Variants in PRKN observed in about 807,000 individuals in gnomAD.
PRKN encodes the protein E3 ubiquitin-protein ligase parkin.
A neutral mutation model predicts 59.5 loss-of-function variants in PRKN; 56 were observed. That is an observed-to-expected ratio of 0.94 (90% CI 0.76 to 1.18). The LOEUF (loss-of-function observed/expected upper bound fraction) is 1.18, where lower values mean the gene tolerates loss of function less well. Among genes scored for constraint, PRKN ranks in the 50% most tolerant of loss-of-function variants. The pLI is 0.00. For synonymous variants in PRKN, 250 were observed against 222.1 expected, an observed-to-expected ratio of 1.13 and a Z score of -1.12; for missense variants, 657 against 596.4, an observed-to-expected ratio of 1.10 and a Z score of -1.06.
chr6:161,994,331 A>G (rs1176605501), intron 5 of PRKN, among the ~76,000 whole-genome samples: 1 of 152,192 alleles, frequency 6.6e-6, no homozygotes, highest in East Asian at 1.9e-4. Context: ...ACATTCCTTC[A>G]TGATAAAACA....
Position 162,069,646 on chromosome 6 carries a change from G to A in PRKN, c.535-15472C>T, listed in dbSNP as rs76431594. Among the ~76,000 whole-genome samples, 507 of 152,150 alleles carry A rather than the reference G, an allele frequency of 3.3e-3. 16 individuals carry two copies. The East Asian group carries it at 0.072, about 22-fold the overall frequency. On this transcript the variant is annotated intron_variant, in intron 4 of 11. Coordinates refer to ENST00000366898, the MANE Select transcript of PRKN (RefSeq NM_004562.3). ...AGCAGTTAACTAAAAGGCTCACTAC[G>A]GTTAATTCTGCAGAAAGAAATAGAA...
Position 161,518,013 on chromosome 6 carries a change from GA to G in PRKN, c.1083+30840del, listed in dbSNP as rs1778679136. Among the ~76,000 whole-genome samples the G allele has an allele frequency of 2.0e-5, 3 of 152,188 alleles. No homozygotes were observed. Among genetic ancestry groups the G allele is most frequent in the Admixed American group, 2.0e-4 (3 of 15,286 alleles). On this transcript the variant is annotated intron_variant, in intron 9 of 11. Transcript: ENST00000366898. The surrounding 1 kb of genome is among the most constrained non-coding windows in gnomAD (Gnocchi z 5.0). ...TCAAGAGGACTATTATTTCCTCGGG[GA>G]GACTGGCAGAAGTTGGCTGCACAGT...
intron 6 of PRKN, among the ~76,000 whole-genome samples, chr6:161,879,532 G>C (rs1041839826): frequency 4.0e-5 from 6 of 151,890 alleles, no homozygotes; most frequent in African/African-American, 1.5e-4. Flanking sequence ...ATTTTGAGTA[G>C]AGACGAGGTT....
chr6:162,336,449 A>C (rs186162327), intron 2 of PRKN, among the ~76,000 whole-genome samples: 229 of 152,282 alleles, frequency 1.5e-3, no homozygotes, highest in Admixed American at 2.7e-3. Context: ...TCTGCGGCAC[A>C]TGACAGTGCC....
chr6:161,757,882 T>TACACAC lies in PRKN; in HGVS notation c.871+27889_871+27890insGTGTGT, dbSNP rs1273812918. ...CTCTCTCTCTCTCTCTGTGTATATA[T>TACACAC]ATATACACACACACACACACACACA... is the stretch of plus-strand genomic sequence containing the variant. On this transcript the variant is annotated intron_variant, in intron 7 of 11. Transcript: ENST00000366898. 7.2e-5 allele frequency among the ~76,000 whole-genome samples: 7 copies of TACACAC among 97,224 alleles called. 1 individual carries two copies. The highest frequency in any genetic ancestry group is 6.0e-4 in the East Asian group (2 of 3,332). The allele number at this position is 97,224 out of a possible 152,430, so 63.8% of individuals were successfully genotyped here.
intron 6 of PRKN, among the ~76,000 whole-genome samples, chr6:161,961,982 A>G (rs1457270723): frequency 1.3e-5 from 2 of 152,316 alleles, no homozygotes; most frequent in African/African-American, 4.8e-5. Context: ...CAGAAGATAC[A>G]GCACATGAGG....
At chr6:161,770,018 G>C (rs1366090418) in intron 7 of PRKN, among the ~76,000 whole-genome samples, 1 of 152,178 alleles carries the variant, frequency 6.6e-6, no homozygotes, top group Non-Finnish European at 1.5e-5. Context: ...CTAGCCACCT[G>C]CACCCCCAAG....
At chr6:162,078,278 T>A (rs185256897) in intron 4 of PRKN, among the ~76,000 whole-genome samples, 80 of 152,196 alleles carry the variant, frequency 5.3e-4, no homozygotes, top group Non-Finnish European at 5.9e-5. Context: ...TTCAGTTGTA[T>A]CCCATGGCTT....
intron 4 of PRKN, among the ~76,000 whole-genome samples, chr6:162,123,911 T>C (rs1009807076): frequency 3.9e-5 from 6 of 152,170 alleles, no homozygotes; most frequent in Admixed American, 2.0e-4. Flanking sequence ...CTTGTTAGAC[T>C]ATACCGAGAG....
At position 161,987,724 on chromosome 6, in the gene PRKN, T is replaced by C. The variant is rs542443693; in HGVS notation, c.619-14307A>G. ...GTGGATATCAAGGGCTGATGTTACA[T>C]AGATTGACTGAAAAATTTCGGAGTC... On this transcript the variant is annotated intron_variant, in intron 5 of 11. Coordinates refer to ENST00000366898, the MANE Select transcript of PRKN (RefSeq NM_004562.3). Among the ~76,000 whole-genome samples, 8 of 152,334 alleles carry C rather than the reference T, an allele frequency of 5.3e-5. No individual in the cohort carries two copies. The East Asian group carries it at 1.2e-3, about 22-fold the overall frequency.
At chr6:162,070,909 C>G (rs1778548870) in intron 4 of PRKN, among the ~76,000 whole-genome samples, 1 of 152,016 alleles carries the variant, frequency 6.6e-6, no homozygotes, top group South Asian at 2.1e-4. Context: ...GCACCGCTGC[C>G]CTAGGGCACA....
At chr6:162,551,590 C>A (rs577315281) in intron 1 of PRKN, among the ~76,000 whole-genome samples, 2 of 152,236 alleles carry the variant, frequency 1.3e-5, no homozygotes, top group Non-Finnish European at 2.9e-5. Context: ...TATATAAAAA[C>A]ATACACAACT....
chr6:162,643,412 A>AAAAAAAAAAAAAAG (rs71784410), intron 1 of PRKN, among the ~76,000 whole-genome samples: 1 of 139,612 alleles, frequency 7.2e-6, no homozygotes, highest in African/African-American at 2.5e-5. Context: ...AAAAAAAAAA[A>AAAAAAAAAAAAAAG]AAAGAAAGAA....
intron 6 of PRKN, among the ~76,000 whole-genome samples, chr6:161,839,722 C>T (rs887018164): frequency 1.3e-5 from 2 of 152,258 alleles, no homozygotes; most frequent in South Asian, 4.2e-4. Context: ...TCAGAGGAGG[C>T]AGCTTGGATG....
intron 7 of PRKN, among the ~76,000 whole-genome samples, chr6:161,723,713 A>G (rs998338021): frequency 1.3e-5 from 2 of 151,834 alleles, no homozygotes; most frequent in Non-Finnish European, 2.9e-5. Context: ...TGAATCACAC[A>G]CTCTCTGAAA....
chr6:162,586,907 G>T (rs566053082), intron 1 of PRKN, among the ~76,000 whole-genome samples: 3 of 152,108 alleles, frequency 2.0e-5, no homozygotes, highest in Non-Finnish European at 4.4e-5. Flanking sequence ...TTACATGCCC[G>T]TGATAGGCAC....
chr6:161,840,565 G>A (rs770456216), intron 6 of PRKN, among the ~76,000 whole-genome samples: 1 of 152,138 alleles, frequency 6.6e-6, no homozygotes, highest in Non-Finnish European at 1.5e-5. Context: ...AGCCTAGTAC[G>A]TGTCAGTTAT....
At chr6:162,663,937 G>C (rs1377512888) in intron 1 of PRKN, among the ~76,000 whole-genome samples, 2 of 151,690 alleles carry the variant, frequency 1.3e-5, no homozygotes, top group East Asian at 1.9e-4. Context: ...AAAAAAAGGT[G>C]GGGGGATATG....
intron 7 of PRKN, among the ~76,000 whole-genome samples, chr6:161,717,629 T>A (rs1046268641): frequency 6.6e-6 from 1 of 152,216 alleles, no homozygotes; most frequent in African/African-American, 2.4e-5. Context: ...TTGATTCTTA[T>A]TCATATCTTC....
Sources: gnomAD v4.1 joint callset for allele counts (sites outside exome capture counted in the v4.1 genomes callset) on GRCh38, gnomAD v4.1.1 for gene constraint, Gnocchi (gnomAD v3.1) non-coding constraint, MANE v1.5 for transcripts, NCBI Gene and HGNC (gene_info 2026-07-23, HGNC 2026-07-21) for gene names.